Variants in MGAT4C observed in about 807,000 individuals in gnomAD.
The protein encoded by MGAT4C is MGAT4 family member C.
In MGAT4C, 19 loss-of-function variants were observed where a neutral mutation model predicts 40.1. The observed-to-expected ratio is 0.47, with a 90% CI of 0.33 to 0.70. The LOEUF is 0.70. MGAT4C is among the 30% of genes least tolerant of loss of function. The pLI is 0.02. For synonymous variants in MGAT4C, 181 were observed against 187.1 expected (o/e 0.97, Z 0.27); for missense variants, 491 against 563.2 (o/e 0.87, Z 1.30).
intron 2 of MGAT4C, among the ~76,000 whole-genome samples, chr12:86,595,209 T>G (rs1961485231): frequency 6.6e-6 from 1 of 152,150 alleles, no homozygotes; most frequent in Admixed American, 6.6e-5. Context: ...TAGCAAGGTT[T>G]GGTTCATCCT....
intron 1 of MGAT4C, among the ~76,000 whole-genome samples, chr12:86,806,449 T>TGTGTGAGAGA (rs5799800): frequency 6.7e-6 from 1 of 149,956 alleles, no homozygotes; most frequent in Non-Finnish European, 1.5e-5. Context: ...TGTGTGTGTG[T>TGTGTGAGAGA]GAGAGAGAGA....
At position 86,337,427 on chromosome 12, in the gene MGAT4C, C is replaced by A. The variant is rs376565206; in HGVS notation, c.-119-3300G>T. Among the ~76,000 whole-genome samples, 19 of 151,596 alleles carry A rather than the reference C, an allele frequency of 1.3e-4. 1 individual carries two copies. Among genetic ancestry groups the A allele is most frequent in the East Asian group, 7.8e-4 (4 of 5,144 alleles). Reference sequence around the variant, plus strand: ...TCCTGGGCAACATGGCGAAACCCTGCCACTTAAAAAATGTAAAAATTAGCC... The same window carrying A: ...TCCTGGGCAACATGGCGAAACCCTGACACTTAAAAAATGTAAAAATTAGCC... On this transcript the variant is annotated intron_variant, in intron 3 of 7. Transcript: ENST00000548651.
chr12:86,021,535 CA>C (rs1246497388), intron 2 of MGAT4C, among the ~76,000 whole-genome samples: 3 of 137,366 alleles, frequency 2.2e-5, no homozygotes, highest in Non-Finnish European at 3.0e-5. Context: ...GGGAATTGAA[CA>C]ATGAGAACAC....
chr12:86,363,705 T>C (rs1426735018), intron 3 of MGAT4C, among the ~76,000 whole-genome samples: 1 of 151,992 alleles, frequency 6.6e-6, no homozygotes, highest in Non-Finnish European at 1.5e-5. Flanking sequence ...TTTGATAATA[T>C]TGAAAAACCT....
intron 2 of MGAT4C, among the ~76,000 whole-genome samples, chr12:86,039,226 TG>T (rs906607447): frequency 6.6e-6 from 1 of 152,184 alleles, no homozygotes; most frequent in African/African-American, 2.4e-5. Context: ...GGAGTATCTT[TG>T]TGATGTTCTC....
intron 4 of MGAT4C, among the ~76,000 whole-genome samples, chr12:86,314,186 C>G (rs987596171): frequency 2.6e-5 from 4 of 152,110 alleles, no homozygotes; most frequent in Non-Finnish European, 5.9e-5. Context: ...AAGCTTAGCA[C>G]AATGTAATGA....
chr12:86,693,264 A>T (rs1016894186), intron 2 of MGAT4C, among the ~76,000 whole-genome samples: 1 of 152,230 alleles, frequency 6.6e-6, no homozygotes, highest in Non-Finnish European at 1.5e-5. Context: ...TTATTATGTC[A>T]TGTATACACT....
At chr12:86,757,166 C>G (rs112830239) in intron 1 of MGAT4C, among the ~76,000 whole-genome samples, 1 of 138,208 alleles carries the variant, frequency 7.2e-6, no homozygotes, top group African/African-American at 2.7e-5. Flanking sequence ...AGTAGAACAA[C>G]GAGAACACAT....
intron 2 of MGAT4C, among the ~76,000 whole-genome samples, chr12:86,017,549 C>T (rs1338445763): frequency 1.3e-5 from 2 of 152,034 alleles, no homozygotes; most frequent in Non-Finnish European, 2.9e-5. Flanking sequence ...AAGTAAACAT[C>T]TTTAAAGATA....
intron 2 of MGAT4C, among the ~76,000 whole-genome samples, chr12:86,040,738 C>A (rs893082702): frequency 1.0e-3 from 153 of 149,316 alleles, no homozygotes; most frequent in East Asian, 7.3e-3. Context: ...AACAAACAAA[C>A]AAAAAAAAAA....
At chr12:86,773,942 C>CTTTTTTTTTTTTTTTTTTTTTTTTTTTTT in intron 1 of MGAT4C, among the ~76,000 whole-genome samples, 1 of 106,520 alleles carries the variant, frequency 9.4e-6, no homozygotes, top group Non-Finnish European at 1.9e-5. Flanking sequence ...TTTAAAGTAA[C>CTTTTTTTTTTTTTTTTTTTTTTTTTTTTT]TTCTTTTTTT....
chr12:86,609,944 A>G (rs1166815561), intron 2 of MGAT4C, among the ~76,000 whole-genome samples: 1 of 152,184 alleles, frequency 6.6e-6, no homozygotes, highest in Non-Finnish European at 1.5e-5. Flanking sequence ...TTTATAGTTC[A>G]TCACATTATA....
chr12:86,554,039 T>A (rs1959489513), intron 2 of MGAT4C, among the ~76,000 whole-genome samples: 1 of 149,210 alleles, frequency 6.7e-6, no homozygotes, highest in East Asian at 1.9e-4. Context: ...TGTTTCTTCC[T>A]TTTTTTTCAT....
chr12:86,653,819 C>T (rs528833800), intron 2 of MGAT4C, among the ~76,000 whole-genome samples: 2 of 151,552 alleles, frequency 1.3e-5, no homozygotes, highest in African/African-American at 4.8e-5. Context: ...TTTAATACAA[C>T]AAAATATGTA....
At chr12:86,310,452 T>C (rs138585398) in intron 4 of MGAT4C, among the ~76,000 whole-genome samples, 2 of 152,100 alleles carry the variant, frequency 1.3e-5, no homozygotes, top group African/African-American at 4.8e-5. Context: ...TTGTCCAGTA[T>C]TGATAGTATT....
At chr12:86,627,650 A>C (rs979214474) in intron 2 of MGAT4C, among the ~76,000 whole-genome samples, 2 of 152,162 alleles carry the variant, frequency 1.3e-5, no homozygotes, top group Non-Finnish European at 2.9e-5. Flanking sequence ...CAGCTGAGGG[A>C]CCTGACTGTT....
intron 3 of MGAT4C, among the ~76,000 whole-genome samples, chr12:86,395,047 G>C (rs1338034858): frequency 2.0e-5 from 3 of 151,826 alleles, no homozygotes. Flanking sequence ...ATGTCTAAGA[G>C]CTTTAGGAAA....
intron 1 of MGAT4C, among the ~76,000 whole-genome samples, chr12:86,204,674 T>C (rs1422102059): frequency 1.3e-5 from 2 of 152,144 alleles, no homozygotes; most frequent in East Asian, 3.8e-4. Context: ...AGGCTGATCA[T>C]TTTCCTTATG....
chr12:86,271,507 G>T (rs1952947169), intron 4 of MGAT4C, among the ~76,000 whole-genome samples: 4 of 152,160 alleles, frequency 2.6e-5, no homozygotes, highest in Admixed American at 1.3e-4. Context: ...TTATTAAAAA[G>T]ACAACAGATG....
Sources: gnomAD v4.1 joint callset for allele counts (sites outside exome capture counted in the v4.1 genomes callset) on GRCh38, gnomAD v4.1.1 for gene constraint, MANE v1.5 for transcripts, NCBI Gene and HGNC (gene_info 2026-07-23, HGNC 2026-07-21) for gene names.